Variants in GRM4 observed in about 807,000 individuals in gnomAD.
GRM4 encodes metabotropic glutamate receptor 4.
GRM4 carries 28 observed loss-of-function variants against 81.7 expected under a neutral mutation model. The ratio of observed to expected loss-of-function variants is 0.34; its 90% CI spans 0.25 to 0.47. The LOEUF is 0.47. Among genes scored for constraint, GRM4 ranks in the 20% least tolerant of loss-of-function variants. The pLI, the probability that GRM4 is intolerant of heterozygous loss-of-function variation, is 1.00. For missense variants in GRM4, 948 were observed against 1,290.0 expected, an observed-to-expected ratio of 0.73 and a Z score of 4.06; for synonymous variants, 488 against 528.8, an observed-to-expected ratio of 0.92 and a Z score of 1.06.
At chr6:34,155,334 G>A in exon 1 of GRM4, 1 of 1,514,742 alleles carries the variant, frequency 6.6e-7, no homozygotes. Flanking sequence ...GTAGAGGGGA[G>A]CAAGGAGGGG....
At chr6:34,043,317 C>T (rs1426870399) in intron 6 of GRM4, among the ~76,000 whole-genome samples, 1 of 152,132 alleles carries the variant, frequency 6.6e-6, no homozygotes, top group African/African-American at 2.4e-5. Context: ...GTCACGAGGG[C>T]CTAGGGAGAA....
rs1769788972 is a variant in GRM4, at chr6:34,121,008, T to C, written c.519+11970A>G. Among the ~76,000 whole-genome samples, 1 of 152,140 alleles carries C rather than the reference T, an allele frequency of 6.6e-6. No homozygotes were observed. The highest frequency in any genetic ancestry group is 1.5e-5 in the Non-Finnish European group (1 of 68,018). On this transcript the variant is annotated intron_variant, in intron 2 of 10. Transcript: ENST00000538487. This position sits in a 1 kb window ranked among gnomAD's most constrained non-coding sequence, Gnocchi z 4.6. ...ATTATCCTCTATAATTTTCCATATG[T>C]TTTAAATCATTTATTAAGATACGTG...
chr6:34,056,247 G>A (rs1765863631), intron 6 of GRM4: 1 of 379,844 alleles, frequency 2.6e-6, no homozygotes, highest in Non-Finnish European at 4.8e-6. Context: ...TACAGGTTAG[G>A]AGGGGTCAGT....
chr6:34,119,035 A>C (rs2499725), intron 2 of GRM4, among the ~76,000 whole-genome samples: 83,854 of 152,020 alleles, frequency 0.55, 23,250 homozygotes, highest in Admixed American at 0.62. Flanking sequence ...TATATTGACA[A>C]CTCTCTGTTA....
chr6:34,122,385 G>A (rs577268460), intron 2 of GRM4, among the ~76,000 whole-genome samples: 4 of 151,954 alleles, frequency 2.6e-5, no homozygotes, highest in Non-Finnish European at 4.4e-5. Flanking sequence ...TCCCCTCCCC[G>A]CAACAGCGCT....
At chr6:34,129,077 C>T (rs908800648) in intron 2 of GRM4, among the ~76,000 whole-genome samples, 3 of 151,192 alleles carry the variant, frequency 2.0e-5, no homozygotes, top group Non-Finnish European at 4.4e-5. Context: ...TGCAGTGGTG[C>T]GATCTCGGCT....
chr6:34,137,339 G>A lies in GRM4; in HGVS notation c.-363-3480C>T, dbSNP rs1025302819. On this transcript the variant is annotated intron_variant, in intron 1 of 10. Transcript: ENST00000538487. The stretch of plus-strand genomic sequence containing the variant: ...AGCCCTGAGGGGCAGGGATGAGAGC[G>A]ACTGGGTCACCTCCACATAGCAACA... Among the ~76,000 whole-genome samples, 7 of 152,240 alleles carry A rather than the reference G, an allele frequency of 4.6e-5. No homozygotes were observed. The South Asian group carries it at 6.2e-4, about 13-fold the overall frequency.
chr6:34,107,143 C>T (rs1769164947), intron 2 of GRM4, among the ~76,000 whole-genome samples: 1 of 152,214 alleles, frequency 6.6e-6, no homozygotes, highest in African/African-American at 2.4e-5. Flanking sequence ...AGAAGGACCC[C>T]AGGGGATCTT....
At chr6:34,044,381 CA>C (rs1765198259) in intron 6 of GRM4, among the ~76,000 whole-genome samples, 1 of 150,362 alleles carries the variant, frequency 6.7e-6, no homozygotes, top group African/African-American at 2.5e-5. Context: ...CATACACACA[CA>C]TAGACATACA....
At chr6:34,122,413 A>T (rs1016224845) in intron 2 of GRM4, among the ~76,000 whole-genome samples, 2 of 152,070 alleles carry the variant, frequency 1.3e-5, no homozygotes, top group Non-Finnish European at 2.9e-5. Flanking sequence ...ACCACTCTCC[A>T]CACGGAACCA....
intron 2 of GRM4, among the ~76,000 whole-genome samples, chr6:34,096,573 C>T (rs1282874542): frequency 6.6e-6 from 1 of 152,364 alleles, no homozygotes; most frequent in East Asian, 1.9e-4. Context: ...AGACTGATCC[C>T]ACCCCAAACA....
At chr6:34,028,975 T>G (rs1294377363) in intron 9 of GRM4, among the ~76,000 whole-genome samples, 1 of 152,208 alleles carries the variant, frequency 6.6e-6, no homozygotes, top group Non-Finnish European at 1.5e-5. Flanking sequence ...CATTTCATGC[T>G]CGCTCGCCAG....
chr6:34,133,668 C>A lies in GRM4; in HGVS notation c.-172G>T. On this transcript the variant is annotated 5_prime_UTR_variant, in exon 2 of 11. Transcript: ENST00000538487. This position sits in a 1 kb window ranked among gnomAD's most constrained non-coding sequence, Gnocchi z 6.5. ...CTCTCCCACCTCCTTGTCACTCGGGCCAAGCACAGTTGCCCGCACAGTCCA... is the reference window on the plus strand; with the variant it reads ...CTCTCCCACCTCCTTGTCACTCGGGACAAGCACAGTTGCCCGCACAGTCCA... 1 of 1,416,006 alleles carries A rather than the reference C, an allele frequency of 7.1e-7. No homozygotes were observed. The highest frequency in any genetic ancestry group is 9.2e-7 in the Non-Finnish European group (1 of 1,090,928). The allele number at this position is 1,416,006 out of a possible 1,614,324, so 87.7% of individuals were successfully genotyped here. A position where few individuals can be genotyped will look rare whatever the true frequency, so the allele number is the denominator to read the frequency against.
chr6:34,112,027 G>C (rs770369477), intron 2 of GRM4, among the ~76,000 whole-genome samples: 28 of 152,096 alleles, frequency 1.8e-4, no homozygotes, highest in Non-Finnish European at 3.2e-4. Context: ...CGTAGTGGAA[G>C]GGGGGGACAT....
chr6:34,143,107 T>C (rs1581740933), intron 1 of GRM4, among the ~76,000 whole-genome samples: 1 of 151,824 alleles, frequency 6.6e-6, no homozygotes, highest in African/African-American at 2.4e-5. Context: ...AGGTGCGGGG[T>C]GTGGGGGGGA....
At chr6:34,031,718 T>A (rs780583866) in intron 9 of GRM4, among the ~76,000 whole-genome samples, 12 of 152,288 alleles carry the variant, frequency 7.9e-5, no homozygotes, top group African/African-American at 2.9e-4. Flanking sequence ...TGTTAAGCCC[T>A]GGAAATCCGG....
At chr6:34,038,708 G>A (rs138111700) in intron 8 of GRM4, among the ~76,000 whole-genome samples, 10 of 152,222 alleles carry the variant, frequency 6.6e-5, no homozygotes, top group East Asian at 5.9e-4. Context: ...AGCTCTGTCT[G>A]GGCCTTACAG....
chr6:34,065,989 T>C (rs77514361), intron 3 of GRM4, among the ~76,000 whole-genome samples: 50,013 of 151,768 alleles, frequency 0.33, 9,225 homozygotes, highest in Non-Finnish European at 0.42. Flanking sequence ...CCCGCCCAGG[T>C]TCCACACCTC....
chr6:34,039,815 C>G (rs928093524), intron 8 of GRM4, among the ~76,000 whole-genome samples: 2 of 149,138 alleles, frequency 1.3e-5, no homozygotes, highest in African/African-American at 5.0e-5. Context: ...TCCCCCATGC[C>G]CCCCCCATCA....
Sources: gnomAD v4.1 joint callset for allele counts (sites outside exome capture counted in the v4.1 genomes callset) on GRCh38, gnomAD v4.1.1 for gene constraint, Gnocchi (gnomAD v3.1) non-coding constraint, MANE v1.5 for transcripts, NCBI Gene and HGNC (gene_info 2026-07-23, HGNC 2026-07-21) for gene names.